CSMD2: variants seen among roughly 807,000 people sequenced by gnomAD.
CSMD2 encodes the protein CUB and sushi domain-containing protein 2.
CSMD2 carries 130 observed loss-of-function variants against 398.5 expected under a neutral mutation model. That is an observed-to-expected ratio of 0.33 (90% CI 0.28 to 0.38). The LOEUF is 0.38. Ranked by LOEUF, CSMD2 falls within the 10% of genes least tolerant of loss-of-function variation. The pLI is 1.00. For missense variants in CSMD2, 3,829 were observed against 4,764.9 expected, an observed-to-expected ratio of 0.80 and a Z score of 5.78; for synonymous variants, 1,828 against 1,908.5, an observed-to-expected ratio of 0.96 and a Z score of 1.10.
At chr1:33,618,859 C>T (rs1021588143) in intron 37 of CSMD2, among the ~76,000 whole-genome samples, 4 of 152,106 alleles carry the variant, frequency 2.6e-5, no homozygotes, top group African/African-American at 9.6e-5. Flanking sequence ...AGTCTGACCC[C>T]AGGTCGGCCA....
intron 3 of CSMD2, among the ~76,000 whole-genome samples, chr1:34,027,933 T>A (rs534664209): frequency 6.6e-6 from 1 of 152,112 alleles, no homozygotes; most frequent in South Asian, 2.1e-4. Flanking sequence ...AGGAGGTAAG[T>A]GGGGCGAGGG....
Position 33,929,067 on chromosome 1 carries a change from C to T in CSMD2, c.712+6693G>A, listed in dbSNP as rs112720774. On this transcript the variant is annotated intron_variant, in intron 4 of 70. Transcript: ENST00000373381. ...GGGCACATGCTTCCTGCCCTCTGTG[C>T]CAGTCATCTCCATCTTGGTCATTGG... Among the ~76,000 whole-genome samples, 25 of 152,292 alleles carry T rather than the reference C, an allele frequency of 1.6e-4. 1 individual carries two copies. Among genetic ancestry groups the T allele is most frequent in the African/African-American group, 5.8e-4 (24 of 41,566 alleles).
intron 38 of CSMD2, 96 bp downstream of exon 38, chr1:33,617,403 C>T: frequency 1.1e-6 from 1 of 908,228 alleles, no homozygotes; most frequent in Non-Finnish European, 1.8e-6. Flanking sequence ...GGGGCTGCTC[C>T]CTGTTCTTTG....
intron 5 of CSMD2, among the ~76,000 whole-genome samples, chr1:33,897,273 G>A (rs1178756136): frequency 6.6e-6 from 1 of 152,250 alleles, no homozygotes; most frequent in East Asian, 1.9e-4. Context: ...CCGGCTCAGT[G>A]CTAGGTGGCC....
At chr1:34,158,848 C>T (rs919648926) in intron 1 of CSMD2, among the ~76,000 whole-genome samples, 1 of 152,182 alleles carries the variant, frequency 6.6e-6, no homozygotes, top group African/African-American at 2.4e-5. Context: ...GCCTCAGTAT[C>T]TTCAAATACA....
chr1:33,767,067 G>A lies in CSMD2; in HGVS notation c.1846+5502C>T, dbSNP rs555742054. ...CCATAGGCTGAAGATGCTCATTATA[G>A]CCTTATATAAAATAATTAAATATAA... is the stretch of plus-strand genomic sequence containing the variant. On this transcript the variant is annotated intron_variant, in intron 13 of 70. Coordinates refer to ENST00000373381, the MANE Select transcript of CSMD2 (RefSeq NM_001281956.2). Among the ~76,000 whole-genome samples, 139 of 152,316 alleles carry A rather than the reference G, an allele frequency of 9.1e-4. No homozygotes were observed. The Middle Eastern group carries it at 0.02, about 22-fold the overall frequency.
At position 33,518,598 on chromosome 1, in the gene CSMD2, C is replaced by G. The variant is rs915416011; in HGVS notation, c.*53+867G>C. Among the ~76,000 whole-genome samples the G allele has an allele frequency of 2.0e-5, 3 of 152,272 alleles. No homozygotes were observed. The highest frequency in any genetic ancestry group is 3.4e-3 in the Middle Eastern group (1 of 294). On this transcript the variant is annotated intron_variant, in intron 70 of 70. Coordinates refer to ENST00000373381, the MANE Select transcript of CSMD2 (RefSeq NM_001281956.2). The surrounding 1 kb of genome is among the most constrained non-coding windows in gnomAD (Gnocchi z 4.3). Reference sequence around the variant, plus strand: ...TTTTAGATAAAATTAACTTTGAAATCAGTAGACTTTGAGTCTCCATAATGT... The same window carrying G: ...TTTTAGATAAAATTAACTTTGAAATGAGTAGACTTTGAGTCTCCATAATGT...
At chr1:33,797,209 C>T (rs1655058903) in intron 10 of CSMD2, among the ~76,000 whole-genome samples, 2 of 152,162 alleles carry the variant, frequency 1.3e-5, no homozygotes, top group South Asian at 4.1e-4. Context: ...TCTTGCACCC[C>T]CTCCCCTTTT....
intron 9 of CSMD2, among the ~76,000 whole-genome samples, chr1:33,815,119 T>G (rs1459676480): frequency 6.6e-6 from 1 of 152,160 alleles, no homozygotes; most frequent in Non-Finnish European, 1.5e-5. Flanking sequence ...CAATAGAAAC[T>G]TCAGCCCAAG....
At chr1:33,809,638 C>T (rs1177808479) in intron 10 of CSMD2, among the ~76,000 whole-genome samples, 1 of 151,880 alleles carries the variant, frequency 6.6e-6, no homozygotes, top group Non-Finnish European at 1.5e-5. Flanking sequence ...GGGTCACCAT[C>T]ATAATAATGA....
At chr1:33,924,781 CTGA>C (rs1369771166) in intron 4 of CSMD2, among the ~76,000 whole-genome samples, 1 of 152,194 alleles carries the variant, frequency 6.6e-6, no homozygotes, top group Non-Finnish European at 1.5e-5. Context: ...TTGCACCTCC[CTGA>C]TGATCAGAGA....
In CSMD2 at chr1:33,847,346, TC is replaced by T. The variant is rs1435680314; in HGVS notation, c.921-351del. Among the ~76,000 whole-genome samples, 3 of 151,698 alleles carry T rather than the reference TC, an allele frequency of 2.0e-5. No individual in the cohort carries two copies. In the East Asian group the frequency reaches 5.9e-4, roughly 30 times the overall value. ...TGGAATATATTCACCTGTAACGCTT[TC>T]TCCTGCCCATCCATGTCCCCCAAGA... On this transcript the variant is annotated intron_variant, in intron 5 of 70. Coordinates refer to ENST00000373381, the MANE Select transcript of CSMD2 (RefSeq NM_001281956.2).
At chr1:33,639,799 A>G (rs1264498179) in intron 29 of CSMD2, among the ~76,000 whole-genome samples, 1 of 152,236 alleles carries the variant, frequency 6.6e-6, no homozygotes, top group Non-Finnish European at 1.5e-5. Context: ...ATTAATAATA[A>G]TGACATGGAT....
intron 54 of CSMD2, among the ~76,000 whole-genome samples, chr1:33,558,889 T>C (rs1167863586): frequency 6.6e-6 from 1 of 152,104 alleles, no homozygotes; most frequent in East Asian, 1.9e-4. Context: ...GCAGCAGCCA[T>C]TTTGCAACCA....
intron 5 of CSMD2, among the ~76,000 whole-genome samples, chr1:33,904,649 G>GT (rs59906840): frequency 2.0e-5 from 3 of 151,462 alleles, no homozygotes; most frequent in Non-Finnish European, 4.4e-5. Flanking sequence ...GGAATGATAG[G>GT]TTTTTTTGTT....
intron 13 of CSMD2, among the ~76,000 whole-genome samples, chr1:33,768,541 T>TGTGTGTGC (rs1441886463): frequency 1.2e-4 from 2 of 16,186 alleles, no homozygotes; most frequent in African/African-American, 2.8e-4. Context: ...CGTGCATGTG[T>TGTGTGTGC]GTGTGTGTGT....
At chr1:33,543,478 G>A (rs1490214420) in intron 57 of CSMD2, among the ~76,000 whole-genome samples, 2 of 152,232 alleles carry the variant, frequency 1.3e-5, no homozygotes, top group African/African-American at 2.4e-5. Flanking sequence ...TTTTGGCAAT[G>A]GTATTCATAG....
chr1:33,525,244 C>T (rs1451974329), intron 65 of CSMD2, among the ~76,000 whole-genome samples: 3 of 152,164 alleles, frequency 2.0e-5, no homozygotes, highest in Middle Eastern at 3.2e-3. Flanking sequence ...GATAAATATC[C>T]ACTCCCATGT....
At chr1:33,904,682 T>C (rs1353993718) in intron 5 of CSMD2, among the ~76,000 whole-genome samples, 1 of 152,178 alleles carries the variant, frequency 6.6e-6, no homozygotes, top group Non-Finnish European at 1.5e-5. Flanking sequence ...TTTTGTTTTT[T>C]GAGATGGAGT....
Sources: gnomAD v4.1 joint callset for allele counts (sites outside exome capture counted in the v4.1 genomes callset) on GRCh38, gnomAD v4.1.1 for gene constraint, Gnocchi (gnomAD v3.1) non-coding constraint, MANE v1.5 for transcripts, NCBI Gene and HGNC (gene_info 2026-07-23, HGNC 2026-07-21) for gene names.